PTPN9: variants seen among roughly 807,000 people sequenced by gnomAD.
PTPN9 encodes tyrosine-protein phosphatase non-receptor type 9.
A neutral mutation model predicts 69.8 loss-of-function variants in PTPN9; 26 were observed. That is an observed-to-expected ratio of 0.37 (90% confidence interval 0.27 to 0.52). The LOEUF is 0.52. Ranked by LOEUF, PTPN9 falls within the 20% of genes least tolerant of loss-of-function variation. PTPN9 has a pLI of 0.91. For missense variants in PTPN9, 549 were observed against 740.3 expected, an observed-to-expected ratio of 0.74 and a Z score of 3.00; for synonymous variants, 274 against 272.5, an observed-to-expected ratio of 1.01 and a Z score of -0.05.
At chr15:75,558,801 G>A (rs1440424560) in intron 1 of PTPN9, among the ~76,000 whole-genome samples, 2 of 152,228 alleles carry the variant, frequency 1.3e-5, no homozygotes, top group East Asian at 3.9e-4. Flanking sequence ...AAGGTGCCGG[G>A]ATTGCAGACG....
intron 1 of PTPN9, among the ~76,000 whole-genome samples, chr15:75,547,696 C>T (rs1423497383): frequency 4.7e-5 from 7 of 150,234 alleles, no homozygotes; most frequent in South Asian, 4.2e-4. Context: ...GACGAAGCCT[C>T]GCTCTGTCAC....
In PTPN9 at chr15:75,466,200, T is replaced by TAC. The variant is rs2074535985; in HGVS notation, c.*2567_*2568dup. ...TCAATTTTTTTCTTCTGTCAATACC[T>TAC]ACCTCAAAAGGTTGTTGAGGGTGAA... On this transcript the variant is annotated 3_prime_UTR_variant, in exon 13 of 13. Transcript: ENST00000618819. 1 of 152,218 alleles carries TAC rather than the reference T, an allele frequency of 6.6e-6. No individual in the cohort carries two copies. 9.4% of individuals were successfully genotyped at this position (152,218 alleles called of 1,614,324 possible).
Position 75,464,193 on chromosome 15 carries a change from CCT to C in PTPN9, c.*4574_*4575del, listed in dbSNP as rs2074527380. ...GGGTGTGGTGGCCCATGCCTGTAAT[CCT>C]CTCACTTTGGGAGGCCGAGGCAGGA... On this transcript the variant is annotated 3_prime_UTR_variant, in exon 13 of 13. Transcript: ENST00000618819. The C allele has an allele frequency of 6.6e-6, 1 of 152,496 alleles. No individual in the cohort carries two copies. The highest frequency in any genetic ancestry group is 2.4e-5 in the African/African-American group (1 of 41,368). 9.4% of individuals were successfully genotyped at this position (152,496 alleles called of 1,614,324 possible). A position where few individuals can be genotyped will look rare whatever the true frequency, so the allele number is the denominator to read the frequency against.
At chr15:75,531,614 G>A (rs564232709) in intron 1 of PTPN9, among the ~76,000 whole-genome samples, 1 of 149,838 alleles carries the variant, frequency 6.7e-6, no homozygotes, top group South Asian at 2.1e-4. Flanking sequence ...ACAGAATCTC[G>A]CTCTGTCGCC....
intron 1 of PTPN9, among the ~76,000 whole-genome samples, chr15:75,565,396 A>G (rs557758112): frequency 6.6e-6 from 1 of 152,240 alleles, no homozygotes. Context: ...CCTAACTACA[A>G]AATTTTTCAG....
chr15:75,577,688 T>G, intron 1 of PTPN9, among the ~76,000 whole-genome samples: 1 of 152,226 alleles, frequency 6.6e-6, no homozygotes, highest in Non-Finnish European at 1.5e-5. Context: ...TGCTAGCAAA[T>G]GTGGTCCTTG....
rs12324747 is a variant in PTPN9, at chr15:75,514,478, T to C, written c.528+2781A>G. On this transcript the variant is annotated intron_variant, in intron 5 of 12. Coordinates refer to ENST00000618819, the MANE Select transcript of PTPN9 (RefSeq NM_002833.4). ...CCTGTAATTCTAGCTACTTGGGAGG[T>C]TGAGGCATGAGAACTGCTTGAACCC... 2.3e-3 allele frequency among the ~76,000 whole-genome samples: 345 copies of C among 152,036 alleles called. 1 individual carries two copies. The highest frequency in any genetic ancestry group is 7.9e-3 in the African/African-American group (326 of 41,486).
intron 4 of PTPN9, among the ~76,000 whole-genome samples, chr15:75,518,799 A>C: frequency 6.7e-6 from 1 of 149,686 alleles, no homozygotes; most frequent in Non-Finnish European, 1.5e-5. Context: ...CCTGGGCAAC[A>C]GAGCGAGACT....
intron 1 of PTPN9, among the ~76,000 whole-genome samples, chr15:75,560,266 AAATT>A (rs1303749636): frequency 1.3e-5 from 2 of 152,218 alleles, no homozygotes; most frequent in Non-Finnish European, 2.9e-5. Flanking sequence ...GAGCATTTAG[AAATT>A]AATCTAGAAA....
chr15:75,489,144 C>T (rs575169463), intron 8 of PTPN9, among the ~76,000 whole-genome samples: 5 of 130,080 alleles, frequency 3.8e-5, no homozygotes, highest in Non-Finnish European at 7.7e-5. Flanking sequence ...CACTGCACTC[C>T]AGCCTGGGGG....
chr15:75,560,320 T>G (rs888114739), intron 1 of PTPN9, among the ~76,000 whole-genome samples: 3 of 152,162 alleles, frequency 2.0e-5, no homozygotes, highest in African/African-American at 7.2e-5. Flanking sequence ...AAATCTTGTA[T>G]ATTTTAATCT....
intron 1 of PTPN9, among the ~76,000 whole-genome samples, chr15:75,555,648 G>T (rs1338117685): frequency 6.6e-6 from 1 of 151,914 alleles, no homozygotes; most frequent in African/African-American, 2.4e-5. Flanking sequence ...GGGATTACAG[G>T]CGTGCACCAC....
At chr15:75,570,897 G>A (rs748058466) in intron 1 of PTPN9, among the ~76,000 whole-genome samples, 2 of 152,120 alleles carry the variant, frequency 1.3e-5, no homozygotes, top group South Asian at 2.1e-4. Flanking sequence ...TGGTCCCCAG[G>A]GTGGATATGA....
At chr15:75,516,343 G>A (rs915461848) in intron 5 of PTPN9, among the ~76,000 whole-genome samples, 3 of 141,294 alleles carry the variant, frequency 2.1e-5, no homozygotes, top group Admixed American at 7.5e-5. Context: ...TCACTGTGTC[G>A]CCCAGGCTGG....
At chr15:75,565,747 A>T (rs2075124203) in intron 1 of PTPN9, among the ~76,000 whole-genome samples, 1 of 152,206 alleles carries the variant, frequency 6.6e-6, no homozygotes, top group South Asian at 2.1e-4. Context: ...TGACCTTTTA[A>T]TATTTTATCT....
chr15:75,533,587 G>A (rs1433667412), intron 1 of PTPN9, among the ~76,000 whole-genome samples: 1 of 152,042 alleles, frequency 6.6e-6, no homozygotes, highest in East Asian at 1.9e-4. Flanking sequence ...TTCCTGCATA[G>A]TCAAAAAGCA....
At chr15:75,478,685 A>G (rs942205800) in intron 9 of PTPN9, among the ~76,000 whole-genome samples, 1 of 152,190 alleles carries the variant, frequency 6.6e-6, no homozygotes, top group Non-Finnish European at 1.5e-5. Flanking sequence ...CACAATCTGG[A>G]TTGTTTCCCA....
chr15:75,578,727 G>C lies in PTPN9; in HGVS notation c.50C>G (p.Pro17Arg), dbSNP rs1260444481. 3 of 1,365,936 alleles carry C rather than the reference G, an allele frequency of 2.2e-6. No individual in the cohort carries two copies. Among genetic ancestry groups the C allele is most frequent in the South Asian group, 1.7e-5 (1 of 60,550 alleles). The allele number at this position is 1,365,936 out of a possible 1,614,324, so 84.6% of individuals were successfully genotyped here. A position where few individuals can be genotyped will look rare whatever the true frequency, so the allele number is the denominator to read the frequency against. Residue 17 changes from proline (P) to arginine (R), a missense_variant, in exon 1 of 13, where the codon CCG (proline) becomes CGG (arginine). Pro to Arg is a moderately radical substitution (Grantham distance 103). Coordinates refer to ENST00000618819, the MANE Select transcript of PTPN9 (RefSeq NM_002833.4). ...PRPDMAPELT[P>R]EEEQATKQFL... The stretch of plus-strand genomic sequence containing the variant: ...GGGCCCGCTTACCTGCTCCTCCTCC[G>C]GGGTCAGCTCCGGCGCCATGTCGGG...
At chr15:75,527,944 T>C (rs1364635470) in intron 1 of PTPN9, among the ~76,000 whole-genome samples, 4 of 152,118 alleles carry the variant, frequency 2.6e-5, no homozygotes, top group Middle Eastern at 3.4e-3. Context: ...CAGTGTAGTA[T>C]AGCAGTCTCA....
Sources: gnomAD v4.1 joint callset for allele counts (sites outside exome capture counted in the v4.1 genomes callset) on GRCh38, gnomAD v4.1.1 for gene constraint, MANE v1.5 for transcripts, NCBI Gene and HGNC (gene_info 2026-07-23, HGNC 2026-07-21) for gene names.